Variants in SCAMP3 observed in about 807,000 individuals in gnomAD.
SCAMP3 encodes the protein secretory carrier membrane protein 3.
Under a neutral mutation model 44.1 loss-of-function variants are expected in SCAMP3, and 30 were observed. That is an observed-to-expected ratio of 0.68 (90% CI 0.51 to 0.92). The LOEUF (loss-of-function observed/expected upper bound fraction) is 0.92. Ranked by LOEUF, SCAMP3 falls within the 40% of genes least tolerant of loss-of-function variation. SCAMP3 has a pLI of 0.00. For missense variants in SCAMP3, 394 were observed against 440.0 expected (o/e 0.90, Z 0.93); for synonymous variants, 168 against 171.1 (o/e 0.98, Z 0.14).
chr1:155,258,193 G>A (rs1672856720), intron 5 of SCAMP3, among the ~76,000 whole-genome samples: 1 of 151,270 alleles, frequency 6.6e-6, no homozygotes, highest in African/African-American at 2.4e-5. Context: ...CTAATTTTTT[G>A]TATTTGTAGT....
chr1:155,259,043 TCTC>T (rs1672884767), intron 4 of SCAMP3, 89 bp from the exon 5 acceptor site: 2 of 673,002 alleles, frequency 3.0e-6, no homozygotes, highest in East Asian at 3.8e-5. Context: ...CCCTGGATCC[TCTC>T]TTTTTTTTTT....
intron 2 of SCAMP3, 93 bp downstream of exon 2, chr1:155,261,564 T>C: frequency 9.2e-7 from 1 of 1,083,360 alleles, no homozygotes; most frequent in Non-Finnish European, 1.4e-6. Flanking sequence ...TCTTCCTTCC[T>C]GTGCATGCAG....
chr1:155,258,611 C>T (rs928664755), intron 5 of SCAMP3, among the ~76,000 whole-genome samples: 7 of 152,120 alleles, frequency 4.6e-5, no homozygotes, highest in Non-Finnish European at 8.8e-5. Context: ...GCTGGGATTA[C>T]AGGCGTATAC....
intron 2 of SCAMP3, 137 bp from the exon 3 acceptor site, chr1:155,260,796 C>G (rs1672938955): frequency 2.8e-5 from 21 of 757,444 alleles, no homozygotes; most frequent in Middle Eastern, 2.7e-4. Flanking sequence ...GCTAGTTCTT[C>G]TGTTGAATTT....
rs1216607466 is a variant in SCAMP3 at position 155,257,556 on chromosome 1, G to T, written c.619C>A (p.Leu207Ile). 1.2e-6 allele frequency: 2 copies of T among 1,610,100 alleles called. No individual in the cohort carries two copies. Among genetic ancestry groups the T allele is most frequent in the Admixed American group, 3.4e-5 (2 of 59,450 alleles). ...ACAAAGGAGCAGGGAGTGAAAAGGA[G>T]GACCCAGAGGATAGAAAGCCCAAAG... The part of the protein sequence containing the change: ...AGFGLSILWV[L>I]LFTPCSFVCW... Residue 207 changes from leucine to isoleucine, a missense_variant, in exon 6 of 9, where the codon CTC becomes ATC. Physicochemically the swap from Leu to Ile is conservative, Grantham distance 5 (BLOSUM62 2). Coordinates refer to ENST00000302631, the MANE Select transcript of SCAMP3 (RefSeq NM_005698.4).
In SCAMP3 at chr1:155,261,694, G is replaced by A; in HGVS notation, c.107C>T (p.Ala36Val). The A allele has an allele frequency of 3.7e-6, 6 of 1,614,110 alleles. No individual in the cohort carries two copies. The highest frequency in any genetic ancestry group is 5.1e-6 in the Non-Finnish European group (6 of 1,180,024). The change falls in exon 2 of 9, where the codon GCC becomes GTC. Residue 36 changes from alanine (A) to valine (V), a missense_variant. By Grantham distance (64) the Ala-to-Val change is moderately conservative. Coordinates refer to ENST00000302631, the MANE Select transcript of SCAMP3 (RefSeq NM_005698.4). ...AAAAGGGTTGTAGACGTCAAGCGTG[G>A]CATACTGCCGGCTGGGTCGGTGCTG... ...VIQHRPSRQY[A>V]TLDVYNPFET...
Position 155,262,146 on chromosome 1 carries a change from AGCCATGTTTGCAACTGCG to A in SCAMP3, c.-13_5del. 1 of 1,613,558 alleles carries A rather than the reference AGCCATGTTTGCAACTGCG, an allele frequency of 6.2e-7. No individual in the cohort carries two copies. The highest frequency in any genetic ancestry group is 8.5e-7 in the Non-Finnish European group (1 of 1,179,900). On this transcript the variant is annotated start_lost and 5_prime_UTR_variant, in exon 1 of 9. Transcript: ENST00000302631. ...ACGGGTTTCCGCCGTCTCTGCTCTGAGCCATGTTTGCAACTGCGGCCTCCGCGGCCCTCTGCCCTCCAC... is the reference window on the plus strand; with the variant it reads ...ACGGGTTTCCGCCGTCTCTGCTCTGAGCCTCCGCGGCCCTCTGCCCTCCAC...
At chr1:155,257,449 T>C (rs1329366901) in intron 6 of SCAMP3, 49 bp downstream of exon 6, 4 of 1,609,230 alleles carry the variant, frequency 2.5e-6, no homozygotes, top group Admixed American at 3.4e-5. Context: ...TGGGCAGACG[T>C]GGGGCCCATC....
chr1:155,257,482 C>T lies in SCAMP3; in HGVS notation c.677+16G>A, dbSNP rs762715874. ...ATCCCAGGTCTCCATCACTCTCCCA[C>T]CACTAACACACTTACCGGAAAGCCT... is the stretch of plus-strand genomic sequence containing the variant. On this transcript the variant is annotated intron_variant, in intron 6 of 8. Transcript: ENST00000302631. The T allele has an allele frequency of 1.2e-6, 2 of 1,613,370 alleles. No individual in the cohort carries two copies. Among genetic ancestry groups the T allele is most frequent in the East Asian group, 2.2e-5 (1 of 44,880 alleles).
intron 4 of SCAMP3, among the ~76,000 whole-genome samples, chr1:155,259,470 G>A (rs549810260): frequency 2.3e-4 from 35 of 152,004 alleles, no homozygotes; most frequent in African/African-American, 3.1e-4. Flanking sequence ...GCGCCTGGCC[G>A]TCCACCTCAG....
chr1:155,256,454 C>T (rs761991590), intron 8 of SCAMP3, 35 bp from the exon 9 acceptor site: 2 of 1,554,492 alleles, frequency 1.3e-6, no homozygotes, highest in Non-Finnish European at 1.7e-6. Context: ...ACCGCCCATT[C>T]CAGCCACTGG....
intron 6 of SCAMP3, 48 bp downstream of exon 6, chr1:155,257,450 G>A: frequency 6.2e-7 from 1 of 1,608,792 alleles, no homozygotes; most frequent in Non-Finnish European, 8.5e-7. Flanking sequence ...GGGCAGACGT[G>A]GGGCCCATCC....
intron 5 of SCAMP3, among the ~76,000 whole-genome samples, chr1:155,258,314 C>T (rs865922668): frequency 7.4e-5 from 10 of 135,478 alleles, no homozygotes; most frequent in Middle Eastern, 3.8e-3. Flanking sequence ...CCACCGTGCC[C>T]GGCCTTTTTT....
intron 5 of SCAMP3, 91 bp from the exon 6 acceptor site, chr1:155,257,748 A>C: frequency 9.7e-6 from 12 of 1,235,242 alleles, no homozygotes; most frequent in South Asian, 1.4e-5. Context: ...TTCACCAAAC[A>C]TGGCAGAGTA....
chr1:155,259,892 T>C (rs1672911773), intron 4 of SCAMP3, among the ~76,000 whole-genome samples: 1 of 151,888 alleles, frequency 6.6e-6, no homozygotes, highest in Non-Finnish European at 1.5e-5. Flanking sequence ...TAAAAGCTCA[T>C]GGTTAGTAAG....
At chr1:155,260,699 T>A in intron 2 of SCAMP3, 40 bp from the exon 3 acceptor site, 1 of 1,549,106 alleles carries the variant, frequency 6.5e-7, no homozygotes, top group Non-Finnish European at 8.8e-7. Flanking sequence ...TAGTCCCTCA[T>A]AACACAGGAA....
chr1:155,257,672 G>A lies in SCAMP3; in HGVS notation c.518-15C>T, dbSNP rs975550633. On this transcript the variant is annotated splice_polypyrimidine_tract_variant and intron_variant, in intron 5 of 8. Coordinates refer to ENST00000302631, the MANE Select transcript of SCAMP3 (RefSeq NM_005698.4). ...CAGCGTGCTGCCTAAGGGGCAGAGGGACAGGATGAGGAGCCCTTCTGGACT... is the reference window on the plus strand; with the variant it reads ...CAGCGTGCTGCCTAAGGGGCAGAGGAACAGGATGAGGAGCCCTTCTGGACT... 6 of 1,551,752 alleles carry A rather than the reference G, an allele frequency of 3.9e-6. No homozygotes were observed. The highest frequency in any genetic ancestry group is 5.2e-6 in the Non-Finnish European group (6 of 1,147,624).
rs1672874911 is a variant in SCAMP3, at chr1:155,258,722, G to GT, written c.517+103dup. ...GGCAAGAACATTTGCTAGCAGGCTG[G>GT]TGAGTTCTAAATAGAGGTGAAGTGT... On this transcript the variant is annotated intron_variant, in intron 5 of 8. Coordinates refer to ENST00000302631, the MANE Select transcript of SCAMP3 (RefSeq NM_005698.4). 7.7e-6 allele frequency: 8 copies of GT among 1,038,768 alleles called. No individual in the cohort carries two copies. In the South Asian group the frequency reaches 1.2e-4, roughly 15 times the overall value. The allele number at this position is 1,038,768 out of a possible 1,614,324, so 64.3% of individuals were successfully genotyped here.
At chr1:155,259,035 C>G in intron 4 of SCAMP3, 81 bp from the exon 5 acceptor site, 3 of 1,217,894 alleles carry the variant, frequency 2.5e-6, no homozygotes, top group Non-Finnish European at 3.4e-6. Context: ...CTCTCCATCC[C>G]TGGATCCTCT....
Sources: allele counts gnomAD v4.1 joint callset (sites outside exome capture counted in the v4.1 genomes callset), GRCh38; gene constraint gnomAD v4.1.1; transcripts MANE v1.5; gene names NCBI Gene and HGNC (gene_info 2026-07-23, HGNC 2026-07-21).